The following WDR74 variants were observed in gnomAD, a reference collection of about 807,000 sequenced individuals.
WDR74 encodes WD repeat-containing protein 74.
Under a neutral mutation model 45.6 loss-of-function variants are expected in WDR74, and 31 were observed. The observed-to-expected ratio is 0.68, with a 90% CI of 0.51 to 0.92. The LOEUF (loss-of-function observed/expected upper bound fraction) is 0.92. WDR74 is among the 40% of genes least tolerant of loss of function. The pLI, the probability that WDR74 is intolerant of heterozygous loss-of-function variation, is 0.00. For missense variants in WDR74, 455 were observed against 497.2 expected, an observed-to-expected ratio of 0.92 and a Z score of 0.81; for synonymous variants, 191 against 192.4, an observed-to-expected ratio of 0.99 and a Z score of 0.06.
Position 62,837,731 on chromosome 11 carries a change from C to A in WDR74, c.293+1383G>T, listed in dbSNP as rs563090786. On this transcript the variant is annotated intron_variant, in intron 3 of 10. Coordinates refer to ENST00000278856, the MANE Select transcript of WDR74 (RefSeq NM_001369450.1). ...CCCCCCACAGGCTTTCCAGACCTCA[C>A]CTGTCAGAATTACCACCACCAAACC... 5.3e-5 allele frequency among the ~76,000 whole-genome samples: 8 copies of A among 152,256 alleles called. No homozygotes were observed. In the South Asian group the frequency reaches 1.2e-3, roughly 24 times the overall value.
chr11:62,834,267 T>C lies in WDR74; in HGVS notation c.775+9A>G. 6.2e-7 allele frequency: 1 copy of C among 1,613,928 alleles called. No individual in the cohort carries two copies. The highest frequency in any genetic ancestry group is 8.5e-7 in the Non-Finnish European group (1 of 1,179,882). The stretch of plus-strand genomic sequence containing the variant: ...CTTCCTTTCCCCCAATGTACCCTAG[T>C]CCACTCACCTTGCCGAAGGTCAATT... On this transcript the variant is annotated intron_variant, in intron 8 of 10. Transcript: ENST00000278856.
intron 6 of WDR74, 105 bp downstream of exon 6, chr11:62,835,326 C>T: frequency 9.4e-7 from 1 of 1,064,354 alleles, no homozygotes; most frequent in Non-Finnish European, 1.4e-6. Context: ...GCTTGCTCCT[C>T]TGAACTCAGA....
chr11:62,835,242 C>G, intron 6 of WDR74, 189 bp downstream of exon 6: 2 of 594,856 alleles, frequency 3.4e-6, no homozygotes, highest in South Asian at 4.1e-5. Flanking sequence ...AGGCATAGTT[C>G]AGGAAACTCC....
At chr11:62,837,366 G>A (rs936580700) in intron 3 of WDR74, among the ~76,000 whole-genome samples, 1 of 151,358 alleles carries the variant, frequency 6.6e-6, no homozygotes, top group African/African-American at 2.4e-5. Flanking sequence ...GCGTGGTGGC[G>A]GATGCCTGTA....
At position 62,833,008 on chromosome 11, in the gene WDR74, C is replaced by G; in HGVS notation, c.1102G>C (p.Gly368Arg). 1 of 1,610,706 alleles carries G rather than the reference C, an allele frequency of 6.2e-7. No homozygotes were observed. Among genetic ancestry groups the G allele is most frequent in the Non-Finnish European group, 8.5e-7 (1 of 1,178,616 alleles). Reference sequence around the variant, plus strand: ...TTTCTCCGTCTCGTTTGGAGAGCTCCTTGGGGCTGCTCCAAACCCGAGAGC... The same window carrying G: ...TTTCTCCGTCTCGTTTGGAGAGCTCGTTGGGGCTGCTCCAAACCCGAGAGC... ...RKLSGLEQPQGALQTRRRKKK... is the reference protein window; with the variant it reads ...RKLSGLEQPQRALQTRRRKKK... Residue 368 changes from glycine (G) to arginine (R), a missense_variant, in exon 11 of 11, where the codon GGA becomes CGA. Transcript: ENST00000278856.
upstream of WDR74, among the ~76,000 whole-genome samples, chr11:62,841,355 C>T (rs1005315550): frequency 6.6e-6 from 1 of 152,028 alleles, no homozygotes; most frequent in Non-Finnish European, 1.5e-5. Context: ...AAAACATTAG[C>T]CGGGGGTGGT....
chr11:62,841,348 A>G (rs1342075660), upstream of WDR74, among the ~76,000 whole-genome samples: 13 of 152,200 alleles, frequency 8.5e-5, no homozygotes, highest in South Asian at 2.3e-3. Flanking sequence ...AAAATGGAAA[A>G]CATTAGCCGG....
At position 62,834,465 on chromosome 11, in the gene WDR74, C is replaced by T; in HGVS notation, c.681G>A (p.Glu227=). The T allele has an allele frequency of 6.5e-7, 1 of 1,544,220 alleles. No homozygotes were observed. The highest frequency in any genetic ancestry group is 8.8e-7 in the Non-Finnish European group (1 of 1,141,886). ...RRPVLETTYG[E]YPLTAMTLTP... is the part of the protein sequence containing the mutation. ...TGAGGGTCATGGCTGTTAGTGGGTA[C>T]TCTCCATAGGTGGTCTCTAGGACTG... Residue 227 remains glutamate, a synonymous_variant, in exon 7 of 11, where the codon GAG becomes GAA. Coordinates refer to ENST00000278856, the MANE Select transcript of WDR74 (RefSeq NM_001369450.1).
chr11:62,839,462 G>A (rs761398726), intron 1 of WDR74, 34 bp from the exon 2 acceptor site: 1 of 1,613,370 alleles, frequency 6.2e-7, no homozygotes, highest in East Asian at 2.2e-5. Context: ...CGCCAGGGGC[G>A]CGAGTGCACC....
chr11:62,834,181 A>G lies in WDR74; in HGVS notation c.775+95T>C, dbSNP rs940864747. 44 of 1,567,890 alleles carry G rather than the reference A, an allele frequency of 2.8e-5. No individual in the cohort carries two copies. The South Asian group carries it at 4.1e-4, about 15-fold the overall frequency. On this transcript the variant is annotated intron_variant, in intron 8 of 10. Coordinates refer to ENST00000278856, the MANE Select transcript of WDR74 (RefSeq NM_001369450.1). ...TAAACCCAGGCAATCTGGCACCTGA[A>G]TGAGGCCTCACTGGCCCCACTGCAC...
rs771377225 is a variant in WDR74, at chr11:62,839,216, TC to T, written c.190del (p.Asp64ThrfsTer4). On this transcript the variant is annotated frameshift_variant, in exon 3 of 11. Transcript: ENST00000278856. LOFTEE classifies it high-confidence loss of function. ...GETQMLVGCA[D>X]RTVKHFSTED... ...GGTGCTGAAGTGCTTCACCGTCCTG[TC>T]CGCGCAGCCCACCAGCATCTGCGGC... 6.2e-7 allele frequency: 1 copy of T among 1,613,602 alleles called. No individual in the cohort carries two copies. The highest frequency in any genetic ancestry group is 1.7e-5 in the Admixed American group (1 of 60,018).
upstream of WDR74, chr11:62,841,741 A>G (rs1054714773): frequency 1.6e-4 from 24 of 152,162 alleles, no homozygotes. Flanking sequence ...CGGATAGAGG[A>G]CGTATCAGAT....
Position 62,832,990 on chromosome 11 carries a change from G to C in WDR74, c.1120C>G (p.Arg374Gly). The C allele has an allele frequency of 1.2e-6, 2 of 1,607,542 alleles. No individual in the cohort carries two copies. The highest frequency in any genetic ancestry group is 1.7e-6 in the Non-Finnish European group (2 of 1,177,502). The change falls in exon 11 of 11, where the codon CGG becomes GGG. Residue 374 changes from arginine (R) to glycine (G), a missense_variant. Coordinates refer to ENST00000278856, the MANE Select transcript of WDR74 (RefSeq NM_001369450.1). ...EQPQGALQTRRRKKKRPGSTS... is the reference protein window; with the variant it reads ...EQPQGALQTRGRKKKRPGSTS... ...GACCCAGGCCGCTTCTTCTTTCTCCGTCTCGTTTGGAGAGCTCCTTGGGGC... is the reference window on the plus strand; with the variant it reads ...GACCCAGGCCGCTTCTTCTTTCTCCCTCTCGTTTGGAGAGCTCCTTGGGGC...
upstream of WDR74, chr11:62,841,618 G>C (rs531033896): frequency 2.0e-5 from 3 of 152,180 alleles, no homozygotes; most frequent in South Asian, 2.1e-4. Flanking sequence ...TCTCCCCGAA[G>C]GGAGAGTGCA....
At chr11:62,841,429 T>A (rs541457676), upstream of WDR74, 1 of 151,398 alleles carries the variant, frequency 6.6e-6, no homozygotes, top group Non-Finnish European at 1.5e-5. Context: ...GAAGACCACA[T>A]GGAGATACTA....
chr11:62,838,303 C>G (rs2084988570), intron 3 of WDR74, among the ~76,000 whole-genome samples: 1 of 151,974 alleles, frequency 6.6e-6, no homozygotes, highest in South Asian at 2.1e-4. Flanking sequence ...CAGGCATGAG[C>G]CACCACACCC....
intron 10 of WDR74, 132 bp downstream of exon 10, chr11:62,833,486 A>G (rs2084907987): frequency 8.9e-7 from 1 of 1,125,918 alleles, no homozygotes; most frequent in Admixed American, 2.5e-5. Flanking sequence ...AATGCCTCTC[A>G]GAGAAATTAA....
chr11:62,839,712 C>T, upstream of WDR74: 1 of 1,071,822 alleles, frequency 9.3e-7, no homozygotes, highest in Non-Finnish European at 1.3e-6. Flanking sequence ...TTTTGCTTTA[C>T]GAAAATGAAA....
chr11:62,839,506 C>G lies in WDR74; in HGVS notation c.64+1G>C, dbSNP rs764320206. 1 of 1,613,748 alleles carries G rather than the reference C, an allele frequency of 6.2e-7. No individual in the cohort carries two copies. Among genetic ancestry groups the G allele is most frequent in the Non-Finnish European group, 8.5e-7 (1 of 1,179,876 alleles). The stretch of plus-strand genomic sequence containing the variant: ...TCCCGACGCCCGAGCCTGCCACCCA[C>G]CTTTCAAGATCCCAGTCTCGGTGCC... On this transcript the variant is annotated splice_donor_variant, in intron 1 of 10. Transcript: ENST00000278856. LOFTEE classifies it high-confidence loss of function.
Sources: gnomAD v4.1 joint callset for allele counts (sites outside exome capture counted in the v4.1 genomes callset) on GRCh38, gnomAD v4.1.1 for gene constraint, MANE v1.5 for transcripts, NCBI Gene and HGNC (gene_info 2026-07-23, HGNC 2026-07-21) for gene names.